Variants in KAZN observed in about 807,000 individuals in gnomAD.
KAZN encodes the protein kazrin.
In KAZN, 40 loss-of-function variants were observed where a neutral mutation model predicts 87.4. The observed-to-expected ratio is 0.46, with a 90% CI of 0.36 to 0.60. KAZN has a LOEUF of 0.60. Among genes scored for constraint, KAZN ranks in the 20% least tolerant of loss-of-function variants. The pLI is 0.00. For synonymous variants in KAZN, 466 were observed against 458.3 expected (o/e 1.02, Z -0.22); for missense variants, 898 against 1,073.9 (o/e 0.84, Z 2.29).
chr1:14,900,909 T>TC (rs1219685297), intron 1 of KAZN, among the ~76,000 whole-genome samples: 50 of 152,182 alleles, frequency 3.3e-4, no homozygotes, highest in African/African-American at 1.2e-3. Flanking sequence ...CAGGGTTGGA[T>TC]ATGATGCCCA....
chr1:14,667,817 A>AC (rs1320908890), intron 1 of KAZN, among the ~76,000 whole-genome samples: 1 of 152,136 alleles, frequency 6.6e-6, no homozygotes, highest in East Asian at 1.9e-4. Context: ...AAAAAAAAAA[A>AC]AAAAGAATGA....
At chr1:14,636,821 A>C (rs567088407) in intron 1 of KAZN, among the ~76,000 whole-genome samples, 9 of 152,322 alleles carry the variant, frequency 5.9e-5, no homozygotes, top group Non-Finnish European at 1.0e-4. Context: ...TTTGTGAGAT[A>C]CCATCCTCCT....
At chr1:14,653,346 G>C (rs1418143494) in intron 1 of KAZN, among the ~76,000 whole-genome samples, 1 of 152,192 alleles carries the variant, frequency 6.6e-6, no homozygotes, top group African/African-American at 2.4e-5. Flanking sequence ...TGCCAGGTAT[G>C]GTGGCAAGGG....
chr1:14,437,735 C>T (rs1468192875), intron 2 of KAZN, among the ~76,000 whole-genome samples: 1 of 152,182 alleles, frequency 6.6e-6, no homozygotes, highest in African/African-American at 2.4e-5. Context: ...TGCTGAGAGC[C>T]GCGTGCAGTT....
At chr1:14,636,984 A>G (rs1680038858) in intron 1 of KAZN, among the ~76,000 whole-genome samples, 1 of 152,126 alleles carries the variant, frequency 6.6e-6, no homozygotes, top group Non-Finnish European at 1.5e-5. Flanking sequence ...AAAAGCTATA[A>G]TTTCCAAGGA....
intron 1 of KAZN, among the ~76,000 whole-genome samples, chr1:14,613,132 T>A (rs1268344908): frequency 6.6e-6 from 1 of 152,190 alleles, no homozygotes; most frequent in African/African-American, 2.4e-5. Context: ...AGCCTTTTAA[T>A]GTATAGGTAC....
At chr1:14,444,096 T>C (rs937513125) in intron 2 of KAZN, among the ~76,000 whole-genome samples, 10 of 152,196 alleles carry the variant, frequency 6.6e-5, no homozygotes, top group African/African-American at 1.9e-4. Flanking sequence ...TAGAGTTTTC[T>C]TTAATAGACT....
intron 1 of KAZN, among the ~76,000 whole-genome samples, chr1:14,905,469 C>T (rs1281244628): frequency 6.6e-6 from 1 of 152,214 alleles, no homozygotes; most frequent in Non-Finnish European, 1.5e-5. Flanking sequence ...CCCAGGCCTG[C>T]ATCTGGCACA....
At chr1:13,980,479 G>A (rs1638606768) in intron 1 of KAZN, among the ~76,000 whole-genome samples, 2 of 152,124 alleles carry the variant, frequency 1.3e-5, no homozygotes, top group African/African-American at 4.8e-5. Context: ...AAATGGTATA[G>A]TAATATCAAG....
intron 1 of KAZN, among the ~76,000 whole-genome samples, chr1:14,059,782 C>T (rs919163595): frequency 1.4e-4 from 21 of 152,188 alleles, no homozygotes; most frequent in African/African-American, 5.1e-4. Flanking sequence ...GCTTGTGAAG[C>T]AGTATTTTAG....
chr1:14,384,822 TG>T (rs1438715624), intron 2 of KAZN, among the ~76,000 whole-genome samples: 1 of 151,972 alleles, frequency 6.6e-6, no homozygotes, highest in Non-Finnish European at 1.5e-5. Flanking sequence ...AGGATGATGC[TG>T]GCCTCATAAA....
intron 2 of KAZN, among the ~76,000 whole-genome samples, chr1:14,573,303 A>C (rs1411498637): frequency 1.3e-5 from 2 of 152,194 alleles, no homozygotes; most frequent in Admixed American, 6.5e-5. Flanking sequence ...CATTTTCAGG[A>C]ATCTACTTGT....
chr1:14,736,591 G>A (rs112324896), intron 1 of KAZN, among the ~76,000 whole-genome samples: 1,872 of 70,774 alleles, frequency 0.026, 36 homozygotes, highest in African/African-American at 0.067. Context: ...GATTACAGGC[G>A]TGAGCCACCA....
intron 2 of KAZN, among the ~76,000 whole-genome samples, chr1:14,292,782 A>G (rs578250334): frequency 3.9e-4 from 60 of 152,272 alleles, no homozygotes; most frequent in African/African-American, 1.4e-3. Context: ...CATCTGATGG[A>G]TGAGCTGGAG....
At chr1:13,903,773 C>T (rs991381259) in intron 1 of KAZN, among the ~76,000 whole-genome samples, 2 of 152,102 alleles carry the variant, frequency 1.3e-5, no homozygotes, top group African/African-American at 4.8e-5. Flanking sequence ...AAGACGGCCA[C>T]TGCTGGGGAG....
chr1:14,829,166 C>G (rs1646984260), intron 1 of KAZN, among the ~76,000 whole-genome samples: 1 of 152,202 alleles, frequency 6.6e-6, no homozygotes, highest in South Asian at 2.1e-4. Flanking sequence ...AGTGTCGTGA[C>G]TGACTCACGA....
chr1:14,047,599 C>A (rs753513399), intron 1 of KAZN, among the ~76,000 whole-genome samples: 1 of 152,128 alleles, frequency 6.6e-6, no homozygotes, highest in Non-Finnish European at 1.5e-5. Context: ...CCGGGCATGG[C>A]GGCTCAGCCT....
intron 2 of KAZN, among the ~76,000 whole-genome samples, chr1:14,384,882 G>A (rs555169800): frequency 9.0e-4 from 137 of 151,988 alleles, no homozygotes; most frequent in African/African-American, 3.1e-3. Context: ...AATAGTTTCA[G>A]AAGGAATGGT....
intron 2 of KAZN, among the ~76,000 whole-genome samples, chr1:14,460,232 C>A (rs1323741790): frequency 6.6e-6 from 1 of 152,212 alleles, no homozygotes; most frequent in African/African-American, 2.4e-5. Flanking sequence ...ACACATAGTT[C>A]CCCTCTGACT....
Sources: gnomAD v4.1 joint callset for allele counts (sites outside exome capture counted in the v4.1 genomes callset) on GRCh38, gnomAD v4.1.1 for gene constraint, MANE v1.5 for transcripts, NCBI Gene and HGNC (gene_info 2026-07-23, HGNC 2026-07-21) for gene names.